Variants in ACAD9 observed in about 807,000 individuals in gnomAD.
ACAD9 encodes the protein complex I assembly factor ACAD9, mitochondrial.
In ACAD9, 53 loss-of-function variants were observed where a neutral mutation model predicts 70.2. The ratio of observed to expected loss-of-function variants is 0.75; its 90% CI spans 0.61 to 0.95. The LOEUF (loss-of-function observed/expected upper bound fraction) is 0.95. Ranked by LOEUF, ACAD9 falls within the 40% of genes least tolerant of loss-of-function variation. The probability of loss-of-function intolerance (pLI) is 0.00; values close to 1 mark genes in which losing one functional copy is unlikely to be tolerated. For synonymous variants in ACAD9, 313 were observed against 312.1 expected, an observed-to-expected ratio of 1.00 and a Z score of -0.03; for missense variants, 777 against 802.8, an observed-to-expected ratio of 0.97 and a Z score of 0.39.
chr3:128,902,723 C>G lies in ACAD9; in HGVS notation c.958+95C>G. On this transcript the variant is annotated intron_variant, in intron 9 of 17. Transcript: ENST00000308982. This position sits in a 1 kb window ranked among gnomAD's most constrained non-coding sequence, Gnocchi z 4.0. Reference sequence around the variant, plus strand: ...TGCCATTCCCCCGGCCCCTTCCAGGCCAGTGCTGAACCAGGCTACCAGCCT... The same window carrying G: ...TGCCATTCCCCCGGCCCCTTCCAGGGCAGTGCTGAACCAGGCTACCAGCCT... 1 of 1,389,418 alleles carries G rather than the reference C, an allele frequency of 7.2e-7. No individual in the cohort carries two copies. Among genetic ancestry groups the G allele is most frequent in the East Asian group, 2.5e-5 (1 of 40,722 alleles). 86.1% of individuals were successfully genotyped at this position (1,389,418 alleles called of 1,614,324 possible).
rs62268191 is a variant in ACAD9, at chr3:128,895,697, C to T, written c.453+281C>T. 0.053 allele frequency among the ~76,000 whole-genome samples: 7,588 copies of T among 141,994 alleles called. 391 individuals are homozygous for T. The highest frequency in any genetic ancestry group is 0.14 in the African/African-American group (5,145 of 35,530). 93.2% of individuals were successfully genotyped at this position (141,994 alleles called of 152,430 possible). On this transcript the variant is annotated intron_variant, in intron 4 of 17. Transcript: ENST00000308982. ...TCAAGGCCCAGGTAGGGTGCCACTG[C>T]CTTCGCCTTGGGCTGGAAGTGGTCT... is the stretch of plus-strand genomic sequence containing the variant.
chr3:128,901,438 A>G lies in ACAD9; in HGVS notation c.882+89A>G, dbSNP rs1361957422. On this transcript the variant is annotated intron_variant, in intron 8 of 17. Coordinates refer to ENST00000308982, the MANE Select transcript of ACAD9 (RefSeq NM_014049.5). ...CTTTTGCCCTATCCCTGCTCGTAGC[A>G]GAGTAGCCTGTGCATGGCAGGTGAC... is the stretch of plus-strand genomic sequence containing the variant. The G allele has an allele frequency of 2.1e-5, 30 of 1,422,820 alleles. No individual in the cohort carries two copies. The East Asian group carries it at 6.8e-4, about 32-fold the overall frequency. The allele number at this position is 1,422,820 out of a possible 1,614,324, so 88.1% of individuals were successfully genotyped here.
intron 15 of ACAD9, 147 bp downstream of exon 15, chr3:128,909,568 C>T (rs1345305491): frequency 2.3e-6 from 2 of 868,314 alleles, no homozygotes; most frequent in African/African-American, 1.7e-5. Flanking sequence ...TGAGGTCAGG[C>T]TGACTTTGTC....
chr3:128,891,579 T>C (rs1011400747), intron 2 of ACAD9, among the ~76,000 whole-genome samples: 1 of 152,146 alleles, frequency 6.6e-6, no homozygotes, highest in Non-Finnish European at 1.5e-5. Flanking sequence ...TGAGATCACA[T>C]CACTGTACTC....
intron 3 of ACAD9, among the ~76,000 whole-genome samples, chr3:128,894,640 A>G (rs1000589652): frequency 9.9e-5 from 15 of 151,418 alleles, no homozygotes; most frequent in Non-Finnish European, 1.6e-4. Flanking sequence ...GGCTCAAACA[A>G]TCCTCCCACC....
At chr3:128,904,183 G>A (rs1477249025) in intron 10 of ACAD9, 51 bp downstream of exon 10, 1 of 1,596,648 alleles carries the variant, frequency 6.3e-7, no homozygotes, top group South Asian at 1.1e-5. Flanking sequence ...TGACATGAAC[G>A]GTGTGTTCTT....
chr3:128,894,358 A>C (rs561420473), intron 3 of ACAD9, among the ~76,000 whole-genome samples: 65 of 152,276 alleles, frequency 4.3e-4, no homozygotes, highest in African/African-American at 1.5e-3. Context: ...TAGTTGTTGC[A>C]TTTATAAAGA....
rs200986648 is a variant in ACAD9, at chr3:128,910,004, A to G, written c.1564-17A>G. 6.2e-7 allele frequency: 1 copy of G among 1,612,668 alleles called. No homozygotes were observed. Among genetic ancestry groups the G allele is most frequent in the East Asian group, 2.2e-5 (1 of 44,850 alleles). ...GTCTAGGTAGTGAGTCCCCACTTGG[A>G]GCCTCTGTGATCCCAGACCATCATG... On this transcript the variant is annotated splice_polypyrimidine_tract_variant and intron_variant, in intron 15 of 17. Transcript: ENST00000308982.
intron 12 of ACAD9, 87 bp downstream of exon 12, chr3:128,906,336 C>T (rs568152104): frequency 1.9e-6 from 3 of 1,583,754 alleles, no homozygotes; most frequent in South Asian, 2.2e-5. Flanking sequence ...GCAGAGGCCC[C>T]CGCAGCCCAG....
rs765257311 is a variant in ACAD9, at chr3:128,884,624, A to AT, written c.151-23dup. The AT allele has an allele frequency of 7.7e-6, 12 of 1,548,832 alleles. No individual in the cohort carries two copies. In the African/African-American group the frequency reaches 1.5e-4, roughly 20 times the overall value. ...GTGATGGGAGTGTGCTAAAAATTAA[A>AT]TTTTTTAGAAAATATTTACTATTTT... On this transcript the variant is annotated intron_variant, in intron 1 of 17. Transcript: ENST00000308982.
In ACAD9 at chr3:128,909,060, G is replaced by T. The variant is rs777721275; in HGVS notation, c.1446G>T (p.Gly482=). 6.2e-7 allele frequency: 1 copy of T among 1,614,156 alleles called. No individual in the cohort carries two copies. The highest frequency in any genetic ancestry group is 8.5e-7 in the Non-Finnish European group (1 of 1,180,032). ...RDSLGRTVDL[G]LTGNHGVVHP... is the part of the protein sequence containing the mutation. ...CCCTGGGCCGAACTGTGGACCTGGG[G>T]CTGACAGGCAACCATGGAGTTGTGC... Residue 482 remains glycine (G), a synonymous_variant, in exon 14 of 18, where the codon GGG becomes GGT. Transcript: ENST00000308982.
intron 17 of ACAD9, among the ~76,000 whole-genome samples, chr3:128,911,707 G>A (rs970405999): frequency 2.6e-5 from 4 of 152,224 alleles, no homozygotes; most frequent in Non-Finnish European, 5.9e-5. Flanking sequence ...CTCCCAAAGT[G>A]CTGGGATTAC....
At position 128,903,961 on chromosome 3, in the gene ACAD9, C is replaced by T. The variant is rs1219886337; in HGVS notation, c.959-101C>T. 2.6e-5 allele frequency: 33 copies of T among 1,269,198 alleles called. No homozygotes were observed. In the East Asian group the frequency reaches 4.6e-4, roughly 18 times the overall value. 78.6% of individuals were successfully genotyped at this position (1,269,198 alleles called of 1,614,324 possible). A position where few individuals can be genotyped will look rare whatever the true frequency, so the allele number is the denominator to read the frequency against. On this transcript the variant is annotated intron_variant, in intron 9 of 17. Coordinates refer to ENST00000308982, the MANE Select transcript of ACAD9 (RefSeq NM_014049.5). Reference sequence around the variant, plus strand: ...TTGACCTCAGCAGACACGCTTCTCACAGTGCCCACCTGTGGGAAGGGTAAG... The same window carrying T: ...TTGACCTCAGCAGACACGCTTCTCATAGTGCCCACCTGTGGGAAGGGTAAG...
In ACAD9 at chr3:128,912,551, C is replaced by T. The variant is rs779854533; in HGVS notation, c.1810C>T (p.Gln604Ter). The change falls in exon 18 of 18, where the codon CAG becomes TAG. Residue 604 changes from glutamine to a stop codon, truncating the protein, a stop_gained. Transcript: ENST00000308982. LOFTEE classifies it high-confidence loss of function. ...LDEQIKKVSQQILEKRAYICA... is the reference protein window; with the variant it reads ...LDEQIKKVSQ ...TGAGCAGATTAAGAAAGTGTCCCAG[C>T]AGATCCTTGAGAAGCGAGCCTATAT... 1.2e-6 allele frequency: 2 copies of T among 1,614,172 alleles called. No individual in the cohort carries two copies. The highest frequency in any genetic ancestry group is 2.2e-5 in the South Asian group (2 of 91,084).
Position 128,906,181 on chromosome 3 carries a change from T to C in ACAD9, c.1210T>C (p.Leu404=). 1 of 1,614,226 alleles carries C rather than the reference T, an allele frequency of 6.2e-7. No homozygotes were observed. Among genetic ancestry groups the C allele is most frequent in the Non-Finnish European group, 8.5e-7 (1 of 1,180,044 alleles). Residue 404 remains leucine, a synonymous_variant, in exon 12 of 18, where the codon TTG becomes CTG. Coordinates refer to ENST00000308982, the MANE Select transcript of ACAD9 (RefSeq NM_014049.5). ...TGAGGCGCTGCAGATCCTCGGGGGC[T>C]TGGGCTACACAAGGGACTATCCGTA... ...VSEALQILGG[L]GYTRDYPYER...
chr3:128,906,394 CT>C, intron 12 of ACAD9, 145 bp downstream of exon 12: 1 of 1,271,118 alleles, frequency 7.9e-7, no homozygotes, highest in Non-Finnish European at 1.1e-6. Flanking sequence ...GGCACGTCTC[CT>C]TCCCGACTGC....
rs758845674 is a variant in ACAD9, at chr3:128,910,823, A to G, written c.1765+10A>G. The G allele has an allele frequency of 7.4e-6, 12 of 1,613,986 alleles. No homozygotes were observed. The Admixed American group carries it at 2.0e-4, about 27-fold the overall frequency. On this transcript the variant is annotated intron_variant, in intron 17 of 17. Transcript: ENST00000308982. ...TCTCAGCTGGACAAGTGTGAGTGGCATGTCTTGGGGGAGGGAAGGAAGGGC... is the reference window on the plus strand; with the variant it reads ...TCTCAGCTGGACAAGTGTGAGTGGCGTGTCTTGGGGGAGGGAAGGAAGGGC...
chr3:128,881,838 C>T (rs1267321374), intron 1 of ACAD9, among the ~76,000 whole-genome samples: 6 of 152,178 alleles, frequency 3.9e-5, no homozygotes, highest in African/African-American at 7.2e-5. Context: ...GCTCCTTGAC[C>T]GCTAAACAGT....
Position 128,909,384 on chromosome 3 carries a change from G to C in ACAD9, c.1526G>C (p.Gly509Ala). Residue 509 changes from glycine to alanine, a missense_variant, in exon 15 of 18, where the codon GGC becomes GCC. Coordinates refer to ENST00000308982, the MANE Select transcript of ACAD9 (RefSeq NM_014049.5). Reference sequence around the variant, plus strand: ...TTTGAGGAGAACACCTACTGCTTCGGCCGGACCGTGGAGACACTGCTGCTC... The same window carrying C: ...TTTGAGGAGAACACCTACTGCTTCGCCCGGACCGTGGAGACACTGCTGCTC... ...NKFEENTYCFGRTVETLLLRF... is the reference protein window; with the variant it reads ...NKFEENTYCFARTVETLLLRF... 1 of 1,614,182 alleles carries C rather than the reference G, an allele frequency of 6.2e-7. No homozygotes were observed. Among genetic ancestry groups the C allele is most frequent in the Non-Finnish European group, 8.5e-7 (1 of 1,180,040 alleles).
Sources: gnomAD v4.1 joint callset for allele counts (sites outside exome capture counted in the v4.1 genomes callset) on GRCh38, gnomAD v4.1.1 for gene constraint, Gnocchi (gnomAD v3.1) non-coding constraint, MANE v1.5 for transcripts, NCBI Gene and HGNC (gene_info 2026-07-23, HGNC 2026-07-21) for gene names.